ARFIP1: variants seen among roughly 807,000 people sequenced by gnomAD.
ARFIP1 encodes ARF interacting protein 1, also known as arfaptin-1.
In ARFIP1, 24 loss-of-function variants were observed where a neutral mutation model predicts 42.5. The ratio of observed to expected loss-of-function variants is 0.57; its 90% confidence interval spans 0.41 to 0.80. The LOEUF (loss-of-function observed/expected upper bound fraction) is 0.80, where lower values mean the gene tolerates loss of function less well. Ranked by LOEUF, ARFIP1 falls within the 30% of genes least tolerant of loss-of-function variation. The pLI, the probability that ARFIP1 is intolerant of heterozygous loss-of-function variation, is 0.00. For synonymous variants in ARFIP1, 141 were observed against 153.7 expected (o/e 0.92, Z 0.61); for missense variants, 354 against 434.0 (o/e 0.82, Z 1.64).
intron 2 of ARFIP1, among the ~76,000 whole-genome samples, chr4:152,832,608 T>C (rs919588262): frequency 2.6e-5 from 4 of 152,226 alleles, no homozygotes; most frequent in Non-Finnish European, 4.4e-5. Context: ...TCTCAGTGTT[T>C]CCTTCTGTAG....
intron 8 of ARFIP1, among the ~76,000 whole-genome samples, chr4:152,906,197 CTCTG>C (rs755227221): frequency 3.8e-4 from 58 of 152,250 alleles, no homozygotes; most frequent in Non-Finnish European, 6.9e-4. Context: ...TGAATCACTT[CTCTG>C]TCCACTCTCT....
In ARFIP1 at chr4:152,804,076, A is replaced by G. The variant is rs1395241503; in HGVS notation, c.-10+23850A>G. On this transcript the variant is annotated intron_variant, in intron 1 of 8. Coordinates refer to ENST00000353617, the MANE Select transcript of ARFIP1 (RefSeq NM_001025595.3). ...TATAATATAACATGTAATATATATT[A>G]TATATAATATAACGTAATATATATT... 3.0e-5 allele frequency among the ~76,000 whole-genome samples: 3 copies of G among 100,322 alleles called. No homozygotes were observed. In the South Asian group the frequency reaches 8.0e-4, roughly 27 times the overall value. The allele number at this position is 100,322 out of a possible 152,430, so 65.8% of individuals were successfully genotyped here. A position where few individuals can be genotyped will look rare whatever the true frequency, so the allele number is the denominator to read the frequency against.
At position 152,907,753 on chromosome 4, in the gene ARFIP1, C is replaced by A. The variant is rs114385930; in HGVS notation, c.967-2311C>A. Among the ~76,000 whole-genome samples the A allele has an allele frequency of 5.5e-3, 839 of 152,238 alleles. 8 individuals are homozygous for A. The highest frequency in any genetic ancestry group is 0.018 in the African/African-American group (766 of 41,532). On this transcript the variant is annotated intron_variant, in intron 8 of 8. Transcript: ENST00000353617. ...TTACTCCTATATAGTATCCCCATTG[C>A]GTTGAGAGACCACTCTATCTGTTCT...
rs868588044 is a variant in ARFIP1 at position 152,796,750 on chromosome 4, C to T, written c.-10+16524C>T. ...CTTCTTTGAACATTCTTGAGCTTCT[C>T]GACTTTCCTTCTTTCTCTTTCTCTC... On this transcript the variant is annotated intron_variant, in intron 1 of 8. Coordinates refer to ENST00000353617, the MANE Select transcript of ARFIP1 (RefSeq NM_001025595.3). 32 of 763,916 alleles carry T rather than the reference C, an allele frequency of 4.2e-5. 1 individual carries two copies. The highest frequency in any genetic ancestry group is 3.6e-4 in the South Asian group (26 of 72,692). The allele number at this position is 763,916 out of a possible 1,614,324, so 47.3% of individuals were successfully genotyped here.
At chr4:152,813,795 C>T (rs1034764721) in intron 1 of ARFIP1, among the ~76,000 whole-genome samples, 1 of 151,980 alleles carries the variant, frequency 6.6e-6, no homozygotes, top group African/African-American at 2.4e-5. Context: ...ACATTTTCTT[C>T]AAGCAATTAT....
intron 8 of ARFIP1, among the ~76,000 whole-genome samples, chr4:152,890,017 AT>A (rs1736711786): frequency 6.7e-6 from 1 of 149,834 alleles, no homozygotes; most frequent in South Asian, 2.1e-4. Flanking sequence ...ATATATCAAT[AT>A]TTAGATAATA....
At chr4:152,789,015 T>C (rs1008219169) in intron 1 of ARFIP1, among the ~76,000 whole-genome samples, 2 of 151,564 alleles carry the variant, frequency 1.3e-5, no homozygotes, top group Non-Finnish European at 2.9e-5. Flanking sequence ...CTGGGTGATA[T>C]GTTTCTAGGA....
chr4:152,827,351 C>T (rs781118968), intron 1 of ARFIP1, among the ~76,000 whole-genome samples: 3 of 152,146 alleles, frequency 2.0e-5, no homozygotes, highest in Non-Finnish European at 4.4e-5. Context: ...CATACATGCA[C>T]AACTGTTGAC....
intron 7 of ARFIP1, among the ~76,000 whole-genome samples, chr4:152,884,316 A>T (rs1736096663): frequency 6.6e-6 from 1 of 151,940 alleles, no homozygotes; most frequent in African/African-American, 2.4e-5. Flanking sequence ...CCTTTCATGG[A>T]AATTATATTT....
rs1160572136 is a variant in ARFIP1, at chr4:152,889,796, AC to A, written c.966+1490del. On this transcript the variant is annotated intron_variant, in intron 8 of 8. Transcript: ENST00000353617. ...ATACTATATATACTATATATTATAT[AC>A]TATACTATATACTATATATATACTA... Among the ~76,000 whole-genome samples the A allele has an allele frequency of 3.7e-3, 82 of 22,420 alleles. 5 individuals are homozygous for A. The highest frequency in any genetic ancestry group is 0.011 in the African/African-American group (57 of 4,970). 14.7% of individuals were successfully genotyped at this position (22,420 alleles called of 152,430 possible).
intron 6 of ARFIP1, among the ~76,000 whole-genome samples, 193 bp downstream of exon 6, chr4:152,881,377 G>A (rs1735834783): frequency 6.6e-6 from 1 of 151,918 alleles, no homozygotes; most frequent in African/African-American, 2.4e-5. Flanking sequence ...TACTTTTTAT[G>A]AATTATCATA....
At chr4:152,840,945 C>G (rs1004038409) in intron 2 of ARFIP1, among the ~76,000 whole-genome samples, 2 of 151,708 alleles carry the variant, frequency 1.3e-5, no homozygotes, top group African/African-American at 4.8e-5. Context: ...GTCACCAACT[C>G]CTGACCTCAG....
At chr4:152,908,497 C>T (rs898436521) in intron 8 of ARFIP1, among the ~76,000 whole-genome samples, 14 of 152,016 alleles carry the variant, frequency 9.2e-5, no homozygotes, top group Non-Finnish European at 1.9e-4. Context: ...GTAATCCCAG[C>T]TACTTGGGAG....
chr4:152,890,638 G>T (rs1245975900), intron 8 of ARFIP1, among the ~76,000 whole-genome samples: 1 of 152,138 alleles, frequency 6.6e-6, no homozygotes, highest in African/African-American at 2.4e-5. Flanking sequence ...TGGGAAGCTG[G>T]TGTGGCCTGA....
intron 2 of ARFIP1, among the ~76,000 whole-genome samples, chr4:152,851,782 G>A (rs1217699140): frequency 6.6e-6 from 1 of 152,172 alleles, no homozygotes; most frequent in Non-Finnish European, 1.5e-5. Context: ...TGAACATTTT[G>A]TGTTCTTCAT....
At chr4:152,819,663 A>G (rs1578865276) in intron 1 of ARFIP1, among the ~76,000 whole-genome samples, 1 of 152,190 alleles carries the variant, frequency 6.6e-6, no homozygotes, top group East Asian at 1.9e-4. Flanking sequence ...GGGACAAAGG[A>G]AACTAGACTG....
intron 2 of ARFIP1, among the ~76,000 whole-genome samples, chr4:152,849,450 A>G (rs909540575): frequency 6.6e-6 from 1 of 152,244 alleles, no homozygotes; most frequent in African/African-American, 2.4e-5. Context: ...AGATACATAT[A>G]AATATTTCCA....
chr4:152,868,029 G>C (rs1226170693), intron 3 of ARFIP1, among the ~76,000 whole-genome samples: 3 of 152,146 alleles, frequency 2.0e-5, no homozygotes, highest in Non-Finnish European at 2.9e-5. Context: ...AGGAATTAGG[G>C]CTGTGTTAGC....
At chr4:152,851,404 T>C (rs1732968128) in intron 2 of ARFIP1, among the ~76,000 whole-genome samples, 1 of 152,160 alleles carries the variant, frequency 6.6e-6, no homozygotes, top group African/African-American at 2.4e-5. Context: ...CAGAAGCAAC[T>C]GTAACAACCC....
Sources: gnomAD v4.1 joint callset for allele counts (sites outside exome capture counted in the v4.1 genomes callset) on GRCh38, gnomAD v4.1.1 for gene constraint, MANE v1.5 for transcripts, NCBI Gene and HGNC (gene_info 2026-07-23, HGNC 2026-07-21) for gene names.